Variants in NCAM1 observed in about 807,000 individuals in gnomAD.
The protein encoded by NCAM1 is neural cell adhesion molecule 1.
In NCAM1, 14 loss-of-function variants were observed where a neutral mutation model predicts 109.8. The ratio of observed to expected loss-of-function variants is 0.13; its 90% CI spans 0.08 to 0.20. NCAM1 has a LOEUF of 0.20. Ranked by LOEUF, NCAM1 falls within the 10% of genes least tolerant of loss-of-function variation. The pLI, the probability that NCAM1 is intolerant of heterozygous loss-of-function variation, is 1.00. For synonymous variants in NCAM1, 418 were observed against 442.9 expected (o/e 0.94, Z 0.70); for missense variants, 774 against 1,109.9 (o/e 0.70, Z 4.30).
intron 1 of NCAM1, among the ~76,000 whole-genome samples, chr11:112,989,747 C>A (rs1424482132): frequency 6.6e-6 from 1 of 152,020 alleles, no homozygotes; most frequent in Non-Finnish European, 1.5e-5. Flanking sequence ...ATCTTCTAGT[C>A]TTTTTTTGGA....
chr11:113,062,163 A>G (rs1254991406), intron 1 of NCAM1, among the ~76,000 whole-genome samples: 1 of 152,150 alleles, frequency 6.6e-6, no homozygotes, highest in Non-Finnish European at 1.5e-5. Context: ...TAAATTGACA[A>G]CCTCATGCAA....
At chr11:113,228,881 T>A (rs1246307986) in intron 9 of NCAM1, among the ~76,000 whole-genome samples, 2 of 152,214 alleles carry the variant, frequency 1.3e-5, no homozygotes, top group East Asian at 3.8e-4. Flanking sequence ...GCTAGCCATA[T>A]GTAGAAAGCT....
At chr11:112,986,544 C>T (rs1284187303) in intron 1 of NCAM1, among the ~76,000 whole-genome samples, 6 of 151,946 alleles carry the variant, frequency 3.9e-5, no homozygotes, top group African/African-American at 1.4e-4. Context: ...AGGCCCTGGG[C>T]TTTTCTTTGA....
intron 1 of NCAM1, among the ~76,000 whole-genome samples, chr11:113,170,250 C>T (rs1374341817): frequency 2.0e-4 from 31 of 152,128 alleles, no homozygotes; most frequent in African/African-American, 6.8e-4. Flanking sequence ...AGGCCTCATA[C>T]CAAGTCAATA....
intron 1 of NCAM1, among the ~76,000 whole-genome samples, chr11:112,976,005 G>A (rs1024281593): frequency 1.3e-5 from 2 of 151,818 alleles, no homozygotes; most frequent in African/African-American, 2.4e-5. Flanking sequence ...ATTCACAGTA[G>A]ATACTTTTGA....
At chr11:113,011,987 C>CCTT (rs1555074497) in intron 1 of NCAM1, among the ~76,000 whole-genome samples, 1 of 148,204 alleles carries the variant, frequency 6.7e-6, no homozygotes, top group African/African-American at 2.5e-5. Flanking sequence ...TTCCTTCCTT[C>CCTT]CTTCCTTCCT....
intron 1 of NCAM1, among the ~76,000 whole-genome samples, chr11:113,016,708 A>T (rs1453302445): frequency 6.6e-6 from 1 of 152,094 alleles, no homozygotes; most frequent in East Asian, 1.9e-4. Flanking sequence ...GCTCAGCTAG[A>T]AGGAGGGAGA....
intron 14 of NCAM1, among the ~76,000 whole-genome samples, chr11:113,245,809 C>T (rs1177636208): frequency 6.6e-6 from 1 of 152,208 alleles, no homozygotes; most frequent in African/African-American, 2.4e-5. Flanking sequence ...TCTTCTAGGG[C>T]ACACAGTCTT....
intron 1 of NCAM1, among the ~76,000 whole-genome samples, chr11:113,100,383 C>T (rs549200210): frequency 3.3e-5 from 5 of 152,242 alleles, no homozygotes; most frequent in South Asian, 4.2e-4. Flanking sequence ...CTGTGGATGG[C>T]TAAGTGTTAA....
At chr11:113,117,720 A>C (rs1940772620) in intron 1 of NCAM1, among the ~76,000 whole-genome samples, 1 of 152,040 alleles carries the variant, frequency 6.6e-6, no homozygotes, top group African/African-American at 2.4e-5. Flanking sequence ...CCACTTATAA[A>C]TCTGTGAGAC....
Position 113,277,505 on chromosome 11 carries a change from G to A in NCAM1, c.*2118G>A, listed in dbSNP as rs111990038. ...CACAGTAGAATGTGAGAGCCTGGGT[G>A]TCTGAGACCGGGAGGGCCCAGCAGT... On this transcript the variant is annotated 3_prime_UTR_variant, in exon 20 of 20. Coordinates refer to ENST00000316851, the MANE Select transcript of NCAM1 (RefSeq NM_181351.5). The A allele has an allele frequency of 3.2e-4, 129 of 398,798 alleles. No individual in the cohort carries two copies. The highest frequency in any genetic ancestry group is 2.4e-3 in the African/African-American group (115 of 48,734). The allele number at this position is 398,798 out of a possible 1,614,324, so 24.7% of individuals were successfully genotyped here.
chr11:113,040,685 A>C (rs547846868), intron 1 of NCAM1, among the ~76,000 whole-genome samples: 1 of 152,370 alleles, frequency 6.6e-6, no homozygotes, highest in South Asian at 2.1e-4. Flanking sequence ...TTTAGAAACC[A>C]TCAATACAGT....
At chr11:113,157,218 G>A (rs1267834679) in intron 1 of NCAM1, among the ~76,000 whole-genome samples, 9 of 151,790 alleles carry the variant, frequency 5.9e-5, no homozygotes, top group Admixed American at 3.3e-4. Flanking sequence ...ACAGCATGTC[G>A]TTTGCACTGT....
At chr11:112,974,701 C>T (rs556098902) in intron 1 of NCAM1, among the ~76,000 whole-genome samples, 1 of 152,046 alleles carries the variant, frequency 6.6e-6, no homozygotes, top group East Asian at 1.9e-4. Context: ...TATGCAAGGA[C>T]AAAGTGCATC....
intron 1 of NCAM1, among the ~76,000 whole-genome samples, chr11:113,195,679 AT>A (rs1487671907): frequency 6.6e-6 from 1 of 150,734 alleles, no homozygotes; most frequent in East Asian, 2.0e-4. Context: ...ATTTGTTTGT[AT>A]TTTTTTTAGT....
chr11:113,000,817 CATATATATATAT>C (rs375984527), intron 1 of NCAM1, among the ~76,000 whole-genome samples: 5 of 129,458 alleles, frequency 3.9e-5, no homozygotes, highest in African/African-American at 1.3e-4. Flanking sequence ...ATTATATATA[CATATATATATAT>C]ATATATATAT....
rs1945062115 is a variant in NCAM1, at chr11:113,233,188, T to G, written c.1564T>G (p.Ser522Ala). ...ATCCATCGACCAGGTGGAGCCATACTCCAGCACAGCCCAGGTGCAGTTTGA... is the reference window on the plus strand; with the variant it reads ...ATCCATCGACCAGGTGGAGCCATACGCCAGCACAGCCCAGGTGCAGTTTGA... ...SPSIDQVEPYSSTAQVQFDEP... is the reference protein window; with the variant it reads ...SPSIDQVEPYASTAQVQFDEP... The change falls in exon 13 of 20, where the codon TCC becomes GCC. Residue 522 changes from serine (S) to alanine (A), a missense_variant. Physicochemically the swap from Ser to Ala is moderately conservative, Grantham distance 99 (BLOSUM62 1). Transcript: ENST00000316851. This position sits in a 1 kb window ranked among gnomAD's most constrained non-coding sequence, Gnocchi z 4.5. 6.2e-7 allele frequency: 1 copy of G among 1,613,752 alleles called. No homozygotes were observed. Among genetic ancestry groups the G allele is most frequent in the Admixed American group, 1.7e-5 (1 of 60,002 alleles).
chr11:113,264,791 T>A, intron 17 of NCAM1: 1 of 985,496 alleles, frequency 1.0e-6, no homozygotes, highest in South Asian at 4.7e-5. Flanking sequence ...TGAAACAATG[T>A]CAGGGTCCTC....
chr11:113,236,208 A>G, intron 14 of NCAM1: 8 of 1,136,558 alleles, frequency 7.0e-6, no homozygotes, highest in Non-Finnish European at 1.0e-5. Flanking sequence ...TGCTCTGCGG[A>G]TTCTATTCAT....
Sources: gnomAD v4.1 joint callset for allele counts (sites outside exome capture counted in the v4.1 genomes callset) on GRCh38, gnomAD v4.1.1 for gene constraint, Gnocchi (gnomAD v3.1) non-coding constraint, MANE v1.5 for transcripts, NCBI Gene and HGNC (gene_info 2026-07-23, HGNC 2026-07-21) for gene names.